Variants in CACNA1D observed in about 807,000 individuals in gnomAD.
The protein encoded by CACNA1D is calcium voltage-gated channel subunit alpha1 D.
Under a neutral mutation model 257.1 loss-of-function variants are expected in CACNA1D, and 55 were observed. The ratio of observed to expected loss-of-function variants is 0.21; its 90% CI spans 0.17 to 0.27. The LOEUF is 0.27. Among genes scored for constraint, CACNA1D ranks in the 10% least tolerant of loss-of-function variants. The pLI is 1.00. For synonymous variants in CACNA1D, 980 were observed against 1,014.9 expected, an observed-to-expected ratio of 0.97 and a Z score of 0.65; for missense variants, 1,876 against 2,784.0, an observed-to-expected ratio of 0.67 and a Z score of 7.34.
intron 4 of CACNA1D, among the ~76,000 whole-genome samples, chr3:53,652,550 G>T (rs912531575): frequency 2.0e-5 from 3 of 152,204 alleles, no homozygotes; most frequent in Non-Finnish European, 4.4e-5. Flanking sequence ...TCAGGGAGCT[G>T]TAAAATGAAT....
chr3:53,803,551 A>G lies in CACNA1D; in HGVS notation c.5564A>G (p.Asp1855Gly). 5 of 1,614,142 alleles carry G rather than the reference A, an allele frequency of 3.1e-6. No homozygotes were observed. The highest frequency in any genetic ancestry group is 4.2e-6 in the Non-Finnish European group (5 of 1,180,012). The change falls in exon 44 of 48, where the codon GAC (aspartate) becomes GGC (glycine). Residue 1855 changes from aspartate (D) to glycine (G), a missense_variant. Asp to Gly is a moderately conservative substitution (Grantham distance 94). Coordinates refer to ENST00000350061, the MANE Select transcript of CACNA1D (RefSeq NM_001128840.3). ...AGTAGTGAGGAATGCTACGAGGATG[A>G]CAGCTCGCCCACCTGGAGCAGGTGA... is the stretch of plus-strand genomic sequence containing the variant. ...YFSSEECYEDDSSPTWSRQNY... is the reference protein window; with the variant it reads ...YFSSEECYEDGSSPTWSRQNY...
At chr3:53,536,006 A>C (rs566627430) in intron 3 of CACNA1D, among the ~76,000 whole-genome samples, 1 of 152,300 alleles carries the variant, frequency 6.6e-6, no homozygotes, top group East Asian at 1.9e-4. Flanking sequence ...GATTCAGTGG[A>C]TATGACGGCT....
intron 11 of CACNA1D, 35 bp downstream of exon 11, chr3:53,719,816 T>C: frequency 6.3e-7 from 1 of 1,599,502 alleles, no homozygotes; most frequent in East Asian, 2.2e-5. Context: ...CGTCAGCCTG[T>C]GTGTTGCCTT....
chr3:53,675,297 T>TA (rs1423123614), intron 8 of CACNA1D, among the ~76,000 whole-genome samples: 1 of 152,246 alleles, frequency 6.6e-6, no homozygotes, highest in Non-Finnish European at 1.5e-5. Context: ...TCTCTCCTAG[T>TA]AAACCTCAGT....
At chr3:53,510,556 C>T (rs1031242738) in intron 3 of CACNA1D, among the ~76,000 whole-genome samples, 2 of 152,164 alleles carry the variant, frequency 1.3e-5, no homozygotes, top group Non-Finnish European at 2.9e-5. Flanking sequence ...TGCAAGAAAA[C>T]GTTTGTCTGG....
In CACNA1D at chr3:53,719,775, A is replaced by G. The variant is rs1395849642; in HGVS notation, c.1499A>G (p.Lys500Arg). ...GSLCQAISKS[K>R]LSRRWRRWNR... ...TTCAGTCAAGCCATCTCAAAATCCA[A>G]ACTCAGGTCAGTATCTTCTTTCTGT... Residue 500 changes from lysine (K) to arginine (R), a missense_variant, in exon 11 of 48, where the codon AAA becomes AGA. Transcript: ENST00000350061. 6 of 1,613,800 alleles carry G rather than the reference A, an allele frequency of 3.7e-6. No individual in the cohort carries two copies. The highest frequency in any genetic ancestry group is 5.1e-6 in the Non-Finnish European group (6 of 1,179,726).
chr3:53,757,129 C>T (rs911420619), intron 29 of CACNA1D, among the ~76,000 whole-genome samples: 7 of 152,262 alleles, frequency 4.6e-5, no homozygotes, highest in Admixed American at 2.0e-4. Flanking sequence ...GGGCTCTGTT[C>T]GCTGCTCCAG....
chr3:53,511,213 C>A (rs769201319), intron 3 of CACNA1D, among the ~76,000 whole-genome samples: 17 of 152,098 alleles, frequency 1.1e-4, no homozygotes, highest in Admixed American at 5.2e-4. Flanking sequence ...TTTCCGAAAT[C>A]TCTGAGGTGG....
intron 2 of CACNA1D, among the ~76,000 whole-genome samples, chr3:53,500,351 C>CTTGA (rs1222322267): frequency 6.9e-6 from 1 of 145,924 alleles, no homozygotes; most frequent in African/African-American, 2.5e-5. Flanking sequence ...GGATGGCTGG[C>CTTGA]TTGAGCCTGG....
rs1281123024 is a variant in CACNA1D at position 53,672,917 on chromosome 3, G to A, written c.1117-106G>A. On this transcript the variant is annotated intron_variant, in intron 7 of 47. Transcript: ENST00000350061. ...ACTGTTGTTTCTGATTTAAATCTAA[G>A]TAAATGTTTAATTAAATGTATAGAA... 1.1e-5 allele frequency: 8 copies of A among 743,562 alleles called. No homozygotes were observed. The East Asian group carries it at 2.0e-4, about 19-fold the overall frequency. The allele number at this position is 743,562 out of a possible 1,614,324, so 46.1% of individuals were successfully genotyped here.
intron 4 of CACNA1D, among the ~76,000 whole-genome samples, chr3:53,658,062 G>C (rs1253151818): frequency 2.0e-5 from 3 of 152,132 alleles, no homozygotes; most frequent in African/African-American, 7.2e-5. Flanking sequence ...CCTCATTCTG[G>C]TGCTTCTGAC....
chr3:53,719,778 T>C lies in CACNA1D; in HGVS notation c.1502T>C (p.Leu501Pro). Reference sequence around the variant, plus strand: ...AGTCAAGCCATCTCAAAATCCAAACTCAGGTCAGTATCTTCTTTCTGTTTC... The same window carrying C: ...AGTCAAGCCATCTCAAAATCCAAACCCAGGTCAGTATCTTCTTTCTGTTTC... ...SLCQAISKSK[L>P]SRRWRRWNRF... The change falls in exon 11 of 48, where the codon CTC becomes CCC. Residue 501 changes from leucine (L) to proline (P), a missense_variant. Physicochemically the swap from Leu to Pro is moderately conservative, Grantham distance 98. Coordinates refer to ENST00000350061, the MANE Select transcript of CACNA1D (RefSeq NM_001128840.3). 1 of 1,613,768 alleles carries C rather than the reference T, an allele frequency of 6.2e-7. No homozygotes were observed. Among genetic ancestry groups the C allele is most frequent in the Non-Finnish European group, 8.5e-7 (1 of 1,179,654 alleles).
At chr3:53,569,300 T>TG (rs2107679442) in intron 3 of CACNA1D, among the ~76,000 whole-genome samples, 1 of 152,324 alleles carries the variant, frequency 6.6e-6, no homozygotes, top group Non-Finnish European at 1.5e-5. Context: ...CCTCTGCCCT[T>TG]GGAGAGGCAC....
At chr3:53,626,401 T>C (rs977044623) in intron 3 of CACNA1D, among the ~76,000 whole-genome samples, 1 of 152,106 alleles carries the variant, frequency 6.6e-6, no homozygotes, top group Non-Finnish European at 1.5e-5. Context: ...GGAGGGGACC[T>C]GTGGGATAGG....
intron 40 of CACNA1D, chr3:53,797,881 A>C (rs898999632): frequency 6.6e-6 from 1 of 152,228 alleles, no homozygotes; most frequent in Non-Finnish European, 1.5e-5. Flanking sequence ...AATATGGATT[A>C]ATGTACCAAA....
chr3:53,704,823 G>A (rs1248448740), intron 9 of CACNA1D, among the ~76,000 whole-genome samples: 1 of 152,244 alleles, frequency 6.6e-6, no homozygotes, highest in Non-Finnish European at 1.5e-5. Context: ...AGGGAGCTGA[G>A]TGAGGCCTTC....
At chr3:53,744,105 G>C (rs62250871) in intron 22 of CACNA1D, among the ~76,000 whole-genome samples, 1 of 152,130 alleles carries the variant, frequency 6.6e-6, no homozygotes, top group African/African-American at 2.4e-5. Context: ...CTCTTGTGTC[G>C]CATCTTTGTA....
intron 4 of CACNA1D, 55 bp downstream of exon 4, chr3:53,650,973 T>G (rs1268142715): frequency 3.4e-4 from 380 of 1,117,034 alleles, no homozygotes; most frequent in Middle Eastern, 4.1e-4. Context: ...AGGTGGAGGT[T>G]GGGGGGGGTG....
At chr3:53,547,209 G>C (rs879824790) in intron 3 of CACNA1D, among the ~76,000 whole-genome samples, 2 of 152,138 alleles carry the variant, frequency 1.3e-5, no homozygotes, top group Non-Finnish European at 2.9e-5. Context: ...AAGGCATTAA[G>C]GCTCACTGGT....
Sources: gnomAD v4.1 joint callset for allele counts (sites outside exome capture counted in the v4.1 genomes callset) on GRCh38, gnomAD v4.1.1 for gene constraint, MANE v1.5 for transcripts, NCBI Gene and HGNC (gene_info 2026-07-23, HGNC 2026-07-21) for gene names.